The following GRM5 variants were observed in gnomAD, a reference collection of about 807,000 sequenced individuals.
GRM5 encodes the protein metabotropic glutamate receptor 5.
GRM5 carries 19 observed loss-of-function variants against 83.1 expected under a neutral mutation model. That is an observed-to-expected ratio of 0.23 (90% CI 0.16 to 0.34). The LOEUF is 0.34. GRM5 is among the 10% of genes least tolerant of loss of function. The pLI, the probability that GRM5 is intolerant of heterozygous loss-of-function variation, is 1.00. For synonymous variants in GRM5, 675 were observed against 633.6 expected (o/e 1.07, Z -0.98); for missense variants, 1,160 against 1,588.3 (o/e 0.73, Z 4.58).
chr11:88,555,706 C>T (rs2135153268), intron 8 of GRM5, among the ~76,000 whole-genome samples: 1 of 152,248 alleles, frequency 6.6e-6, no homozygotes, highest in African/African-American at 2.4e-5. Flanking sequence ...CAGAGCAAGG[C>T]TAGGCACAAA....
chr11:88,624,348 C>T (rs1417705552), intron 4 of GRM5, among the ~76,000 whole-genome samples: 3 of 152,108 alleles, frequency 2.0e-5, no homozygotes, highest in African/African-American at 7.2e-5. Flanking sequence ...GAAAGAATCA[C>T]CAGATGAATT....
chr11:88,690,911 G>C (rs1158313410), intron 3 of GRM5, among the ~76,000 whole-genome samples: 2 of 152,172 alleles, frequency 1.3e-5, no homozygotes, highest in Non-Finnish European at 1.5e-5. Flanking sequence ...GTTTTGTTTA[G>C]CTCTTTAGAT....
chr11:89,062,896 C>A (rs1942023121), intron 1 of GRM5, among the ~76,000 whole-genome samples: 1 of 152,254 alleles, frequency 6.6e-6, no homozygotes, highest in South Asian at 2.1e-4. Flanking sequence ...CATGCCCCCG[C>A]CGTGGGATAA....
In GRM5 at chr11:88,822,866, T is replaced by C. The variant is rs558743439; in HGVS notation, c.911+27040A>G. 1.1e-4 allele frequency among the ~76,000 whole-genome samples: 17 copies of C among 152,202 alleles called. No homozygotes were observed. In the South Asian group the frequency reaches 3.5e-3, roughly 32 times the overall value. Reference sequence around the variant, plus strand: ...CTCTGGAAATTTGAGGTATCTTTTCTTTCTCTCCAGTTTTTTGAAGTGTGA... The same window carrying C: ...CTCTGGAAATTTGAGGTATCTTTTCCTTCTCTCCAGTTTTTTGAAGTGTGA... On this transcript the variant is annotated intron_variant, in intron 3 of 9. Transcript: ENST00000305447.
intron 2 of GRM5, among the ~76,000 whole-genome samples, chr11:88,910,243 C>A (rs1223603298): frequency 6.6e-6 from 1 of 152,028 alleles, no homozygotes; most frequent in Non-Finnish European, 1.5e-5. Flanking sequence ...TGGCATGTAT[C>A]AGACTTCATT....
intron 2 of GRM5, among the ~76,000 whole-genome samples, chr11:88,890,687 A>G (rs1945129813): frequency 6.6e-6 from 1 of 152,110 alleles, no homozygotes; most frequent in African/African-American, 2.4e-5. Context: ...ATACTGCCTG[A>G]TTTTCAGATA....
intron 2 of GRM5, among the ~76,000 whole-genome samples, chr11:88,949,235 C>T (rs962791710): frequency 6.6e-6 from 1 of 152,234 alleles, no homozygotes; most frequent in Non-Finnish European, 1.5e-5. Flanking sequence ...TCACCATGAG[C>T]TCACATTCTT....
intron 2 of GRM5, among the ~76,000 whole-genome samples, chr11:88,901,519 G>A (rs1945315625): frequency 6.6e-6 from 1 of 152,096 alleles, no homozygotes; most frequent in South Asian, 2.1e-4. Flanking sequence ...GAAGTATCTT[G>A]GAATGTTTCC....
At chr11:89,002,237 C>A (rs1183324475) in intron 2 of GRM5, among the ~76,000 whole-genome samples, 3 of 152,044 alleles carry the variant, frequency 2.0e-5, no homozygotes, top group Non-Finnish European at 4.4e-5. Flanking sequence ...GAGGATTATG[C>A]TTTAAATAAA....
chr11:88,711,193 CAG>C (rs998977594), intron 3 of GRM5, among the ~76,000 whole-genome samples: 2 of 151,996 alleles, frequency 1.3e-5, no homozygotes, highest in African/African-American at 4.8e-5. Flanking sequence ...GCTCTGACAG[CAG>C]AGTTTGTGAA....
At chr11:88,952,051 A>G (rs1938480939) in intron 2 of GRM5, among the ~76,000 whole-genome samples, 1 of 152,120 alleles carries the variant, frequency 6.6e-6, no homozygotes, top group Non-Finnish European at 1.5e-5. Context: ...CATATAACTC[A>G]TGTCCCAGCC....
At chr11:88,768,713 G>A (rs1942670728) in intron 3 of GRM5, among the ~76,000 whole-genome samples, 1 of 151,930 alleles carries the variant, frequency 6.6e-6, no homozygotes, top group African/African-American at 2.4e-5. Context: ...GAGAGTGAAT[G>A]GGGAGAGAGA....
At chr11:88,571,849 G>A (rs1943009755) in intron 7 of GRM5, among the ~76,000 whole-genome samples, 1 of 152,102 alleles carries the variant, frequency 6.6e-6, no homozygotes, top group South Asian at 2.1e-4. Flanking sequence ...AGGCTGTGAT[G>A]GCAAGTGAAG....
chr11:88,518,012 T>C (rs530396906), intron 9 of GRM5, among the ~76,000 whole-genome samples: 2 of 152,092 alleles, frequency 1.3e-5, no homozygotes, highest in East Asian at 3.9e-4. Flanking sequence ...CTCCTTTTTT[T>C]CAGTAAAAAG....
intron 3 of GRM5, among the ~76,000 whole-genome samples, chr11:88,684,677 A>C (rs972962388): frequency 3.9e-5 from 6 of 152,138 alleles, no homozygotes; most frequent in Admixed American, 1.3e-4. Flanking sequence ...TAATTCCCAC[A>C]TGTTGTGGGA....
chr11:88,660,424 C>G (rs1273495597), intron 3 of GRM5, among the ~76,000 whole-genome samples: 1 of 152,142 alleles, frequency 6.6e-6, no homozygotes, highest in Non-Finnish European at 1.5e-5. Context: ...GTTGAACTCT[C>G]AAATGGCAAC....
intron 3 of GRM5, among the ~76,000 whole-genome samples, chr11:88,665,000 G>A (rs144234236): frequency 4.3e-4 from 66 of 152,172 alleles, no homozygotes; most frequent in African/African-American, 1.4e-3. Flanking sequence ...AGCTTGCAAA[G>A]CAAGCAAATT....
At chr11:89,000,793 T>A (rs769099359) in intron 2 of GRM5, among the ~76,000 whole-genome samples, 3 of 151,920 alleles carry the variant, frequency 2.0e-5, no homozygotes, top group Admixed American at 2.0e-4. Flanking sequence ...GGAGAAGATA[T>A]TTGCAAACCA....
At chr11:88,839,547 A>G (rs552594042) in intron 3 of GRM5, among the ~76,000 whole-genome samples, 98 of 152,348 alleles carry the variant, frequency 6.4e-4, no homozygotes, top group African/African-American at 1.9e-3. Context: ...ATGAGTTGAC[A>G]CAGAAATACA....
Sources: gnomAD v4.1 joint callset for allele counts (sites outside exome capture counted in the v4.1 genomes callset) on GRCh38, gnomAD v4.1.1 for gene constraint, MANE v1.5 for transcripts, NCBI Gene and HGNC (gene_info 2026-07-23, HGNC 2026-07-21) for gene names.